PLEKHH2: variants seen among roughly 807,000 people sequenced by gnomAD.
PLEKHH2 encodes the protein pleckstrin homology domain-containing family H member 2.
Under a neutral mutation model 187.9 loss-of-function variants are expected in PLEKHH2, and 129 were observed. The ratio of observed to expected loss-of-function variants is 0.69; its 90% CI spans 0.59 to 0.79. The LOEUF is 0.79. Among genes scored for constraint, PLEKHH2 ranks in the 30% least tolerant of loss-of-function variants. The probability of loss-of-function intolerance (pLI) is 0.00; values close to 1 mark genes in which losing one functional copy is unlikely to be tolerated. For synonymous variants in PLEKHH2, 686 were observed against 605.6 expected, an observed-to-expected ratio of 1.13 and a Z score of -1.95; for missense variants, 2,076 against 1,751.2, an observed-to-expected ratio of 1.19 and a Z score of -3.31.
chr2:43,754,763 C>A (rs189313764), intron 25 of PLEKHH2, among the ~76,000 whole-genome samples: 1 of 152,232 alleles, frequency 6.6e-6, no homozygotes, highest in Non-Finnish European at 1.5e-5. Context: ...ACACTCTGTC[C>A]CAGGACATCT....
At chr2:43,740,725 T>C in intron 20 of PLEKHH2, 1 of 680,392 alleles carries the variant, frequency 1.5e-6, no homozygotes, top group Non-Finnish European at 2.0e-6. Context: ...GTTCCTCAGT[T>C]GTAGATAACC....
In PLEKHH2 at chr2:43,762,448, C is replaced by T. The variant is rs184034493; in HGVS notation, c.4158+58C>T. On this transcript the variant is annotated intron_variant, in intron 28 of 29. Coordinates refer to ENST00000282406, the MANE Select transcript of PLEKHH2 (RefSeq NM_172069.4). ...CAACTGTTTCCATTGCTCAGTGTAC[C>T]GTAAACAGAAAGTAATGATATCTTA... 1,266 of 1,286,426 alleles carry T rather than the reference C, an allele frequency of 9.8e-4. 4 individuals are homozygous for T. Among genetic ancestry groups the T allele is most frequent in the Non-Finnish European group, 1.2e-3 (1,076 of 886,976 alleles). 79.7% of individuals were successfully genotyped at this position (1,286,426 alleles called of 1,614,324 possible).
intron 19 of PLEKHH2, among the ~76,000 whole-genome samples, chr2:43,734,288 G>T (rs1339357271): frequency 2.0e-5 from 3 of 152,066 alleles, no homozygotes; most frequent in Non-Finnish European, 4.4e-5. Context: ...TATTCTCTTT[G>T]TTAAATAAGT....
chr2:43,712,534 C>A, intron 15 of PLEKHH2, 151 bp downstream of exon 15: 2 of 831,586 alleles, frequency 2.4e-6, no homozygotes, highest in Non-Finnish European at 1.7e-6. Flanking sequence ...ATGCCCAAGG[C>A]AAAAACTATA....
intron 20 of PLEKHH2, among the ~76,000 whole-genome samples, chr2:43,740,149 T>TA (rs1671494279): frequency 6.6e-6 from 1 of 152,170 alleles, no homozygotes; most frequent in South Asian, 2.1e-4. Context: ...TATAACGTTT[T>TA]AAAAATGACT....
intron 2 of PLEKHH2, among the ~76,000 whole-genome samples, chr2:43,659,540 T>C (rs1666963722): frequency 6.6e-6 from 1 of 152,104 alleles, no homozygotes; most frequent in Admixed American, 6.6e-5. Context: ...TAGTTTTCTT[T>C]GTATGTTTTG....
At chr2:43,652,263 G>A (rs1294871927) in intron 2 of PLEKHH2, among the ~76,000 whole-genome samples, 1 of 152,172 alleles carries the variant, frequency 6.6e-6, no homozygotes. Context: ...GACTCTAAGG[G>A]CCACAGATTT....
intron 16 of PLEKHH2, among the ~76,000 whole-genome samples, chr2:43,723,366 A>C (rs1670576375): frequency 6.6e-6 from 1 of 152,206 alleles, no homozygotes; most frequent in Non-Finnish European, 1.5e-5. Context: ...GAAGACTCCA[A>C]GACATAAAGG....
At chr2:43,691,118 C>G (rs1009786552) in intron 3 of PLEKHH2, among the ~76,000 whole-genome samples, 1 of 152,168 alleles carries the variant, frequency 6.6e-6, no homozygotes, top group African/African-American at 2.4e-5. Context: ...TCTCTTTTAC[C>G]CTGTTCTGTT....
In PLEKHH2 at chr2:43,729,653, A is replaced by G. The variant is rs1408346727; in HGVS notation, c.2738A>G (p.His913Arg). Residue 913 changes from histidine to arginine, a missense_variant, in exon 18 of 30, where the codon CAT (histidine) becomes CGT (arginine). Physicochemically the swap from His to Arg is conservative, Grantham distance 29 (BLOSUM62 0). Coordinates refer to ENST00000282406, the MANE Select transcript of PLEKHH2 (RefSeq NM_172069.4). ...SKHEKDTWLY[H>R]LTVAAGSNNV... The stretch of plus-strand genomic sequence containing the variant: ...GGTTTTAAGGACACTTGGCTTTATC[A>G]TCTGACTGTTGCAGCTGGAAGCAAC... The G allele has an allele frequency of 2.5e-6, 4 of 1,602,010 alleles. No individual in the cohort carries two copies. Among genetic ancestry groups the G allele is most frequent in the East Asian group, 2.2e-5 (1 of 44,550 alleles).
intron 3 of PLEKHH2, among the ~76,000 whole-genome samples, chr2:43,679,267 C>G (rs1311199880): frequency 2.0e-5 from 3 of 151,808 alleles, no homozygotes; most frequent in Admixed American, 6.6e-5. Flanking sequence ...AATATGAATG[C>G]CATATTATAG....
At chr2:43,709,763 G>C (rs998990421) in intron 11 of PLEKHH2, among the ~76,000 whole-genome samples, 2 of 152,180 alleles carry the variant, frequency 1.3e-5, no homozygotes, top group African/African-American at 4.8e-5. Context: ...TTGAACCCAG[G>C]AGGCAGAGGT....
chr2:43,683,841 A>T (rs923968227), intron 3 of PLEKHH2, among the ~76,000 whole-genome samples: 2 of 151,782 alleles, frequency 1.3e-5, no homozygotes, highest in Admixed American at 6.6e-5. Context: ...CAATGATTTC[A>T]TCAGGGAGGT....
At chr2:43,737,989 A>G (rs896967791) in intron 19 of PLEKHH2, among the ~76,000 whole-genome samples, 27 of 152,232 alleles carry the variant, frequency 1.8e-4, no homozygotes, top group Non-Finnish European at 2.9e-5. Context: ...ATTTTTAGAG[A>G]TGAAAAATGC....
chr2:43,651,026 T>C (rs1666443153), intron 2 of PLEKHH2, among the ~76,000 whole-genome samples: 1 of 152,196 alleles, frequency 6.6e-6, no homozygotes, highest in Non-Finnish European at 1.5e-5. Flanking sequence ...AATGTATATT[T>C]ACATTAATGC....
intron 9 of PLEKHH2, among the ~76,000 whole-genome samples, chr2:43,705,390 G>C (rs972904892): frequency 1.0e-4 from 15 of 150,370 alleles, no homozygotes; most frequent in African/African-American, 3.7e-4. Flanking sequence ...TGATTAGTTA[G>C]GATGACAGGT....
At chr2:43,670,543 C>A (rs1667446812) in intron 2 of PLEKHH2, among the ~76,000 whole-genome samples, 1 of 151,866 alleles carries the variant, frequency 6.6e-6, no homozygotes, top group Non-Finnish European at 1.5e-5. Flanking sequence ...TCTAATATGT[C>A]TGTTTTTATA....
chr2:43,697,154 G>T lies in PLEKHH2; in HGVS notation c.503-17G>T. 6.5e-7 allele frequency: 1 copy of T among 1,532,442 alleles called. No homozygotes were observed. Among genetic ancestry groups the T allele is most frequent in the South Asian group, 1.3e-5 (1 of 77,992 alleles). The allele number at this position is 1,532,442 out of a possible 1,614,324, so 94.9% of individuals were successfully genotyped here. A position where few individuals can be genotyped will look rare whatever the true frequency, so the allele number is the denominator to read the frequency against. ...TATAAAAAATTCAAATCTTAATTTT[G>T]ATTAACGATGTTGTAGAAGTTCAAG... On this transcript the variant is annotated splice_polypyrimidine_tract_variant and intron_variant, in intron 6 of 29. Transcript: ENST00000282406.
intron 2 of PLEKHH2, among the ~76,000 whole-genome samples, chr2:43,674,484 T>C (rs1186093556): frequency 6.6e-6 from 1 of 152,220 alleles, no homozygotes; most frequent in East Asian, 1.9e-4. Context: ...TTAATGCTTG[T>C]CCAGCTGCTT....
Sources: gnomAD v4.1 joint callset for allele counts (sites outside exome capture counted in the v4.1 genomes callset) on GRCh38, gnomAD v4.1.1 for gene constraint, MANE v1.5 for transcripts, NCBI Gene and HGNC (gene_info 2026-07-23, HGNC 2026-07-21) for gene names.